Variants in DIDO1 observed in about 807,000 individuals in gnomAD.
DIDO1 encodes death-inducer obliterator 1.
In DIDO1, 16 loss-of-function variants were observed where a neutral mutation model predicts 99.4. The ratio of observed to expected loss-of-function variants is 0.16; its 90% CI spans 0.11 to 0.24. DIDO1 has a LOEUF of 0.24. DIDO1 is among the 10% of genes least tolerant of loss of function. DIDO1 has a pLI of 1.00. For synonymous variants in DIDO1, 1,366 were observed against 1,239.1 expected (o/e 1.10, Z -2.15); for missense variants, 2,996 against 3,014.0 (o/e 0.99, Z 0.14).
intron 6 of DIDO1, 135 bp downstream of exon 6, chr20:62,905,752 C>T (rs1278291106): frequency 6.2e-7 from 1 of 1,607,622 alleles, no homozygotes; most frequent in South Asian, 1.1e-5. Flanking sequence ...GGCTCTGCTT[C>T]CCGCTGATGG....
chr20:62,905,923 T>C lies in DIDO1; in HGVS notation c.1552A>G (p.Lys518Glu). The C allele has an allele frequency of 1.2e-6, 2 of 1,614,034 alleles. No individual in the cohort carries two copies. Among genetic ancestry groups the C allele is most frequent in the Non-Finnish European group, 1.7e-6 (2 of 1,179,986 alleles). Residue 518 changes from lysine (K) to glutamate (E), a missense_variant, in exon 6 of 16, where the codon AAG becomes GAG. Around this residue, in one of 5 missense-constraint regions of DIDO1, gnomAD observed 898 missense variants for 972.7 expected, o/e 0.92. Transcript: ENST00000395343. ...AGTGACGGCGAGGGAGCAGCAGTCT[T>C]TTCTGGCTTTACTGCATTGTAATTG... is the stretch of plus-strand genomic sequence containing the variant. ...DHNYNAVKPE[K>E]TAAPSPSLLY... is the part of the protein sequence containing the mutation.
intron 15 of DIDO1, among the ~76,000 whole-genome samples, 171 bp from the exon 16 acceptor site, chr20:62,882,585 G>A (rs114130370): frequency 0.037 from 5,612 of 152,090 alleles, 184 homozygotes; most frequent in African/African-American, 0.085. Flanking sequence ...GGACGATTCC[G>A]CCCCAGGAAC....
Position 62,881,410 on chromosome 20 carries a change from C to G in DIDO1, c.4546G>C (p.Val1516Leu). Residue 1516 changes from valine to leucine, a missense_variant, in exon 16 of 16, where the codon GTG becomes CTG. By Grantham distance (32) the Val-to-Leu change is conservative. Coordinates refer to ENST00000395343, the MANE Select transcript of DIDO1 (RefSeq NM_001193369.2). The surrounding 1 kb of genome is among the most constrained non-coding windows in gnomAD (Gnocchi z 8.3). Reference protein sequence around the residue: ...AVGVSMAHFSVSDALMSPPPK... With the variant: ...AVGVSMAHFSLSDALMSPPPK... Reference sequence around the variant, plus strand: ...GGTGGAGACATCAAGGCGTCCGACACCGAGAAGTGGGCCATGGAGACCCCG... The same window carrying G: ...GGTGGAGACATCAAGGCGTCCGACAGCGAGAAGTGGGCCATGGAGACCCCG... 1 of 1,607,648 alleles carries G rather than the reference C, an allele frequency of 6.2e-7. No homozygotes were observed. Among genetic ancestry groups the G allele is most frequent in the Non-Finnish European group, 8.5e-7 (1 of 1,179,972 alleles).
intron 8 of DIDO1, among the ~76,000 whole-genome samples, chr20:62,895,430 T>A (rs1600944057): frequency 6.7e-6 from 1 of 149,922 alleles, no homozygotes; most frequent in South Asian, 2.1e-4. Flanking sequence ...CAACAGTGGG[T>A]TTCACGGCCT....
intron 6 of DIDO1, among the ~76,000 whole-genome samples, chr20:62,899,230 G>A (rs6089810): frequency 0.42 from 64,263 of 152,018 alleles, 13,870 homozygotes; most frequent in East Asian, 0.62. Context: ...AGAAACCTTG[G>A]AGTGTTTTAA....
chr20:62,910,030 T>C lies in DIDO1; in HGVS notation c.840-10A>G, dbSNP rs758578732. 1 of 1,599,144 alleles carries C rather than the reference T, an allele frequency of 6.3e-7. No individual in the cohort carries two copies. Among genetic ancestry groups the C allele is most frequent in the Non-Finnish European group, 8.5e-7 (1 of 1,174,962 alleles). On this transcript the variant is annotated splice_polypyrimidine_tract_variant and intron_variant, in intron 3 of 15. Transcript: ENST00000395343. Reference sequence around the variant, plus strand: ...ACAGCAAATCATAAACCTGAAATTATAAAATAACGGTATTAGCAATGGGAC... The same window carrying C: ...ACAGCAAATCATAAACCTGAAATTACAAAATAACGGTATTAGCAATGGGAC...
At chr20:62,887,953 G>A (rs1310256204) in intron 15 of DIDO1, 1 of 985,358 alleles carries the variant, frequency 1.0e-6, no homozygotes, top group Non-Finnish European at 1.2e-6. Context: ...GTGTTTCTGT[G>A]GACAAATCAT....
At chr20:62,929,711 A>ATATATATATATATATATATATATATATAT, upstream of DIDO1, among the ~76,000 whole-genome samples, 1 of 134,258 alleles carries the variant, frequency 7.4e-6, no homozygotes, top group Admixed American at 7.3e-5. Flanking sequence ...ATATATATAT[A>ATATATATATATATATATATATATATATAT]TGCCTACTGT....
Position 62,894,331 on chromosome 20 carries a change from T to C in DIDO1, c.2572+82A>G. On this transcript the variant is annotated intron_variant, in intron 11 of 15. Coordinates refer to ENST00000395343, the MANE Select transcript of DIDO1 (RefSeq NM_001193369.2). This position sits in a 1 kb window ranked among gnomAD's most constrained non-coding sequence, Gnocchi z 4.4. ...TCTGCGTGTTTAAGCTTACGTGCGG[T>C]TGCTTTTAGGAGGTTCAGTGATTTT... is the stretch of plus-strand genomic sequence containing the variant. 1 of 1,587,136 alleles carries C rather than the reference T, an allele frequency of 6.3e-7. No homozygotes were observed. Among genetic ancestry groups the C allele is most frequent in the Non-Finnish European group, 8.6e-7 (1 of 1,167,418 alleles).
chr20:62,893,581 T>C (rs1413099001), intron 12 of DIDO1, 85 bp downstream of exon 12: 1 of 1,437,020 alleles, frequency 7.0e-7, no homozygotes, highest in African/African-American at 1.4e-5. Flanking sequence ...ATTTCCAAGT[T>C]CAACTATTTA....
rs1002225972 is a variant in DIDO1 at position 62,905,086 on chromosome 20, G to A, written c.1588+801C>T. The A allele has an allele frequency of 3.0e-6, 3 of 992,418 alleles. No homozygotes were observed. The African/African-American group carries it at 5.2e-5, about 17-fold the overall frequency. The allele number at this position is 992,418 out of a possible 1,614,324, so 61.5% of individuals were successfully genotyped here. On this transcript the variant is annotated intron_variant, in intron 6 of 15. Coordinates refer to ENST00000395343, the MANE Select transcript of DIDO1 (RefSeq NM_001193369.2). The stretch of plus-strand genomic sequence containing the variant: ...GCACCACAGAATCTGAGGTTTCAAA[G>A]ATCTGTTTGAAATATCTTCATTTCA...
chr20:62,892,661 C>G, intron 13 of DIDO1, 148 bp downstream of exon 13: 1 of 1,144,552 alleles, frequency 8.7e-7, no homozygotes. Flanking sequence ...AGAGCCGTTT[C>G]TGCATCCAGA....
chr20:62,920,656 G>A (rs968579386), intron 1 of DIDO1, among the ~76,000 whole-genome samples: 28 of 152,216 alleles, frequency 1.8e-4, no homozygotes, highest in Non-Finnish European at 3.5e-4. Context: ...GGAGGCCCCC[G>A]GATCAAAGCA....
upstream of DIDO1, chr20:62,928,933 C>T (rs1470809739): frequency 6.6e-6 from 1 of 151,950 alleles, no homozygotes; most frequent in Admixed American, 6.6e-5. Context: ...CAGGGAAAGT[C>T]TTTGAAAGTA....
At chr20:62,887,570 G>T (rs2064315337) in intron 15 of DIDO1, 1 of 985,300 alleles carries the variant, frequency 1.0e-6, no homozygotes, top group South Asian at 4.7e-5. Context: ...ATGGACCGAG[G>T]TTACTCCACA....
chr20:62,932,954 T>C (rs751667162), intron 1 of DIDO1, among the ~76,000 whole-genome samples: 4 of 152,250 alleles, frequency 2.6e-5, no homozygotes, highest in Non-Finnish European at 5.9e-5. Flanking sequence ...GGCTCATGCC[T>C]GTATTCCCAG....
chr20:62,880,068 T>G lies in DIDO1; in HGVS notation c.5888A>C (p.Gln1963Pro). 1 of 1,611,880 alleles carries G rather than the reference T, an allele frequency of 6.2e-7. No individual in the cohort carries two copies. Among genetic ancestry groups the G allele is most frequent in the Non-Finnish European group, 8.5e-7 (1 of 1,180,002 alleles). Residue 1963 changes from glutamine to proline, a missense_variant, in exon 16 of 16, where the codon CAG (glutamine) becomes CCG (proline). Gln to Pro is a moderately conservative substitution (Grantham distance 76, BLOSUM62 -1). Around this residue, in one of 5 missense-constraint regions of DIDO1, gnomAD observed 1,562 missense variants for 1,412.6 expected, o/e 1.11. Transcript: ENST00000395343. ...PNFMPGPRGI[Q>P]PQQFEDQRVH... Reference sequence around the variant, plus strand: ...CCTCTGGTCTTCGAACTGCTGAGGCTGAATGCCCCTGGGACCTGGCATAAA... The same window carrying G: ...CCTCTGGTCTTCGAACTGCTGAGGCGGAATGCCCCTGGGACCTGGCATAAA...
intron 1 of DIDO1, among the ~76,000 whole-genome samples, chr20:62,932,230 C>A (rs1259215254): frequency 6.6e-6 from 1 of 152,182 alleles, no homozygotes. Context: ...CGGTGGCTCA[C>A]GCCTGTAATC....
chr20:62,890,835 G>T, intron 15 of DIDO1, 125 bp downstream of exon 15: 7 of 1,576,914 alleles, frequency 4.4e-6, no homozygotes, highest in Non-Finnish European at 6.0e-6. Context: ...TAACCGCTGC[G>T]TCTGTGCTCC....
Sources: allele counts gnomAD v4.1 joint callset (sites outside exome capture counted in the v4.1 genomes callset), GRCh38; gene constraint gnomAD v4.1.1; regional missense constraint gnomAD v4.1.1; non-coding constraint Gnocchi (gnomAD v3.1); transcripts MANE v1.5; gene names NCBI Gene and HGNC (gene_info 2026-07-23, HGNC 2026-07-21).